The following MLIP variants were observed in gnomAD, a reference collection of about 807,000 sequenced individuals.
MLIP encodes muscular LMNA interacting protein, also known as muscular LMNA-interacting protein.
A neutral mutation model predicts 84.8 loss-of-function variants in MLIP; 79 were observed. That is an observed-to-expected ratio of 0.93 (90% CI 0.78 to 1.12). The LOEUF is 1.12. Ranked by LOEUF, MLIP falls within the 50% of genes most tolerant of loss-of-function variation. The pLI, the probability that MLIP is intolerant of heterozygous loss-of-function variation, is 0.00. For synonymous variants in MLIP, 504 were observed against 463.0 expected, an observed-to-expected ratio of 1.09 and a Z score of -1.14; for missense variants, 1,257 against 1,160.6, an observed-to-expected ratio of 1.08 and a Z score of -1.21.
intron 11 of MLIP, among the ~76,000 whole-genome samples, chr6:54,222,640 A>G (rs1180772009): frequency 6.6e-6 from 1 of 152,066 alleles, no homozygotes; most frequent in Non-Finnish European, 1.5e-5. Flanking sequence ...ATACACATCT[A>G]GTTTATTCCC....
chr6:54,247,659 G>GCC (rs2150857112), intron 12 of MLIP, among the ~76,000 whole-genome samples: 1 of 152,250 alleles, frequency 6.6e-6, no homozygotes, highest in South Asian at 2.1e-4. Flanking sequence ...GAGGAATGTG[G>GCC]CCCAATGCCA....
At chr6:54,047,482 ATAAG>A (rs1307420595) in intron 1 of MLIP, 1 of 152,234 alleles carries the variant, frequency 6.6e-6, no homozygotes, top group East Asian at 1.9e-4. Context: ...AATAAAGAGA[ATAAG>A]TACCGCTTTA....
chr6:54,161,336 A>C (rs1431982965), intron 8 of MLIP, among the ~76,000 whole-genome samples: 1 of 151,940 alleles, frequency 6.6e-6, no homozygotes, highest in African/African-American at 2.4e-5. Context: ...AGGGAAATAA[A>C]ACTGGATATT....
chr6:54,041,344 T>G (rs751498737), intron 1 of MLIP, among the ~76,000 whole-genome samples: 1 of 152,136 alleles, frequency 6.6e-6, no homozygotes, highest in African/African-American at 2.4e-5. Flanking sequence ...ATTTAAATTG[T>G]TCATGATTTT....
Position 54,137,923 on chromosome 6 carries a change from A to C in MLIP, c.1854A>C (p.Ser618=). The change falls in exon 4 of 14, where the codon TCA becomes TCC. Residue 618 remains serine, a synonymous_variant. Transcript: ENST00000502396. ...GTTTCCATCCTTCCCCAGCTCTTTC[A>C]AGCCTGATAAACAGATCTAAAAGAG... is the stretch of plus-strand genomic sequence containing the variant. The part of the protein sequence containing the change: ...EKCFHPSPAL[S]SLINRSKRAS... The C allele has an allele frequency of 6.5e-7, 1 of 1,536,032 alleles. No individual in the cohort carries two copies. The highest frequency in any genetic ancestry group is 8.7e-7 in the Non-Finnish European group (1 of 1,146,886).
chr6:54,186,833 T>C (rs1228591507), intron 9 of MLIP, among the ~76,000 whole-genome samples: 1 of 151,952 alleles, frequency 6.6e-6, no homozygotes, highest in Non-Finnish European at 1.5e-5. Context: ...CCTGACCATA[T>C]CAAGGTTAGA....
intron 5 of MLIP, among the ~76,000 whole-genome samples, chr6:54,150,611 A>G (rs139430877): frequency 1.9e-3 from 285 of 152,286 alleles, no homozygotes; most frequent in African/African-American, 6.6e-3. Flanking sequence ...TTTCCCTCAT[A>G]CTTGTCTCGC....
At chr6:54,251,447 T>TATATATATATATATATATATAC (rs1782475941) in intron 12 of MLIP, among the ~76,000 whole-genome samples, 1 of 130,758 alleles carries the variant, frequency 7.6e-6, no homozygotes, top group Non-Finnish European at 1.5e-5. Flanking sequence ...AAGCCATATA[T>TATATATATATATATATATATAC]ATATATATAT....
intron 11 of MLIP, among the ~76,000 whole-genome samples, chr6:54,227,126 C>G (rs1363368084): frequency 1.3e-5 from 2 of 152,150 alleles, no homozygotes; most frequent in Non-Finnish European, 2.9e-5. Context: ...TAGCAATTCC[C>G]CTTCACTCTC....
intron 5 of MLIP, among the ~76,000 whole-genome samples, chr6:54,152,932 A>T (rs951786775): frequency 5.3e-5 from 8 of 152,080 alleles, no homozygotes; most frequent in Non-Finnish European, 1.5e-5. Flanking sequence ...AATGATTAAT[A>T]TTTTTCCATG....
chr6:54,248,090 T>C (rs1782211363), intron 12 of MLIP, among the ~76,000 whole-genome samples: 1 of 152,094 alleles, frequency 6.6e-6, no homozygotes, highest in African/African-American at 2.4e-5. Context: ...CTCGGGAATA[T>C]TAATACACAG....
intron 1 of MLIP, among the ~76,000 whole-genome samples, chr6:54,099,765 T>C (rs537247816): frequency 2.8e-4 from 43 of 152,290 alleles, no homozygotes; most frequent in Non-Finnish European, 5.1e-4. Flanking sequence ...GTTTTTAGAA[T>C]TGGTAATTAG....
chr6:54,117,211 C>CTT (rs200691416), intron 1 of MLIP, among the ~76,000 whole-genome samples: 1,547 of 117,692 alleles, frequency 0.013, 32 homozygotes, highest in Non-Finnish European at 0.016. Flanking sequence ...CTATTTCTGT[C>CTT]TTTTTTTTTT....
At chr6:54,149,618 A>C (rs1773226102) in intron 5 of MLIP, among the ~76,000 whole-genome samples, 1 of 152,062 alleles carries the variant, frequency 6.6e-6, no homozygotes, top group Non-Finnish European at 1.5e-5. Context: ...TATTCAACTT[A>C]GCCTCATAGA....
chr6:54,185,144 T>C (rs977420907), intron 9 of MLIP, among the ~76,000 whole-genome samples: 1 of 152,202 alleles, frequency 6.6e-6, no homozygotes, highest in South Asian at 2.1e-4. Context: ...ATTATAGCTA[T>C]AACTTCTAAT....
Position 54,137,952 on chromosome 6 carries a change from C to A in MLIP, c.1883C>A (p.Ser628Ter). 6.5e-7 allele frequency: 1 copy of A among 1,536,098 alleles called. No homozygotes were observed. Among genetic ancestry groups the A allele is most frequent in the Non-Finnish European group, 8.7e-7 (1 of 1,146,882 alleles). ...CTGATAAACAGATCTAAAAGAGCAT[C>A]ATCCCAACTATCTGGCCAGGAGCTG... ...SSLINRSKRA[S>*]SQLSGQELNP... is the part of the protein sequence containing the mutation. The change falls in exon 4 of 14, where the codon TCA becomes TAA. Residue 628 changes from serine to a stop codon, truncating the protein, a stop_gained. Transcript: ENST00000502396. LOFTEE classifies it high-confidence loss of function.
chr6:54,256,129 T>C (rs371387662), intron 12 of MLIP, among the ~76,000 whole-genome samples: 2 of 152,166 alleles, frequency 1.3e-5, no homozygotes, highest in African/African-American at 4.8e-5. Flanking sequence ...AGGAGTCCTG[T>C]TGCTATGATA....
intron 5 of MLIP, among the ~76,000 whole-genome samples, chr6:54,150,236 A>G (rs2150525996): frequency 6.6e-6 from 1 of 152,276 alleles, no homozygotes; most frequent in African/African-American, 2.4e-5. Flanking sequence ...CATGTTCTGT[A>G]TATGTAAGTG....
intron 1 of MLIP, among the ~76,000 whole-genome samples, chr6:54,038,995 T>C (rs988463431): frequency 6.6e-6 from 1 of 151,926 alleles, no homozygotes. Flanking sequence ...AGTTTACTAT[T>C]GAGAAATTTT....
Sources: allele counts gnomAD v4.1 joint callset (sites outside exome capture counted in the v4.1 genomes callset), GRCh38; gene constraint gnomAD v4.1.1; transcripts MANE v1.5; gene names NCBI Gene and HGNC (gene_info 2026-07-23, HGNC 2026-07-21).